Variants in CCDC171 observed in about 807,000 individuals in gnomAD.
The protein encoded by CCDC171 is coiled-coil domain-containing protein 171.
Under a neutral mutation model 168.2 loss-of-function variants are expected in CCDC171, and 177 were observed. The ratio of observed to expected loss-of-function variants is 1.05; its 90% CI spans 0.93 to 1.19. The LOEUF (loss-of-function observed/expected upper bound fraction) is 1.19, where lower values mean the gene tolerates loss of function less well. Among genes scored for constraint, CCDC171 ranks in the 50% most tolerant of loss-of-function variants. The pLI is 0.00. For synonymous variants in CCDC171, 687 were observed against 540.8 expected (o/e 1.27, Z -3.75); for missense variants, 1,991 against 1,539.0 (o/e 1.29, Z -4.91).
intron 19 of CCDC171, among the ~76,000 whole-genome samples, chr9:15,778,568 C>T (rs991674229): frequency 1.4e-4 from 19 of 134,624 alleles, no homozygotes; most frequent in Non-Finnish European, 1.1e-4. Context: ...ATCGCTTGAA[C>T]TCGGGAGGTG....
At chr9:15,963,960 G>A (rs749316992) in intron 25 of CCDC171, among the ~76,000 whole-genome samples, 10 of 152,148 alleles carry the variant, frequency 6.6e-5, no homozygotes, top group East Asian at 1.9e-4. Flanking sequence ...GTCTGTAAAC[G>A]GAAGCAGTGC....
intron 24 of CCDC171, among the ~76,000 whole-genome samples, chr9:15,876,275 G>A (rs1817834117): frequency 6.6e-6 from 1 of 152,070 alleles, no homozygotes; most frequent in African/African-American, 2.4e-5. Flanking sequence ...TTGTAGTTTA[G>A]TAGTATACAT....
At chr9:16,106,422 G>A in the CCDC171 span, among the ~76,000 whole-genome samples, 4 of 152,162 alleles carry the variant, frequency 2.6e-5, no homozygotes, top group African/African-American at 7.2e-5. Flanking sequence ...GCTCCAGAAT[G>A]TGAAGCCACC....
intron 7 of CCDC171, among the ~76,000 whole-genome samples, chr9:15,648,671 C>T (rs1412359720): frequency 2.0e-5 from 3 of 152,070 alleles, no homozygotes; most frequent in African/African-American, 7.2e-5. Flanking sequence ...GAATAAAATA[C>T]CTAGGAATAA....
At chr9:15,844,807 T>G (rs1038508843) in intron 21 of CCDC171, among the ~76,000 whole-genome samples, 1 of 152,086 alleles carries the variant, frequency 6.6e-6, no homozygotes, top group Non-Finnish European at 1.5e-5. Flanking sequence ...AAGTATATGA[T>G]AGGATTGTTG....
chr9:16,007,060 T>C (rs1052985849), intron 3 of CCDC171, among the ~76,000 whole-genome samples: 1 of 152,164 alleles, frequency 6.6e-6, no homozygotes, highest in African/African-American at 2.4e-5. Flanking sequence ...AGTGTAAAAG[T>C]GTTCCTATTT....
chr9:15,841,132 G>A (rs1183912557), intron 21 of CCDC171, among the ~76,000 whole-genome samples: 1 of 151,876 alleles, frequency 6.6e-6, no homozygotes, highest in Non-Finnish European at 1.5e-5. Flanking sequence ...TTGCTCATTT[G>A]CCCCATTTGT....
chr9:15,983,542 G>C lies in CCDC171; in HGVS notation n.369-37047G>C, dbSNP rs918761482. 7.5e-4 allele frequency among the ~76,000 whole-genome samples: 106 copies of C among 142,242 alleles called. 1 individual carries two copies. The highest frequency in any genetic ancestry group is 2.5e-3 in the African/African-American group (97 of 38,744). 93.3% of individuals were successfully genotyped at this position (142,242 alleles called of 152,430 possible). ...AGAGAGAATCTCTGAAGCATATGTG[G>C]AATATCTAGGCAAGTGGCTAGTAGG... On this transcript the variant is annotated intron_variant and non_coding_transcript_variant, in intron 3 of 9. Transcript: ENST00000486641.
intron 24 of CCDC171, among the ~76,000 whole-genome samples, chr9:15,902,708 C>T (rs748046914): frequency 6.6e-5 from 10 of 152,130 alleles, no homozygotes; most frequent in South Asian, 2.1e-4. Context: ...TGCAGCGCAC[C>T]GAGCATGAGC....
intron 23 of CCDC171, among the ~76,000 whole-genome samples, chr9:15,855,298 T>C (rs757720360): frequency 3.3e-5 from 5 of 151,834 alleles, no homozygotes; most frequent in Non-Finnish European, 7.4e-5. Flanking sequence ...TTTATCATTA[T>C]ATTATCTTTG....
At chr9:16,046,407 T>G (rs1376328829) in intron 1 of CCDC171, among the ~76,000 whole-genome samples, 2 of 152,138 alleles carry the variant, frequency 1.3e-5, no homozygotes, top group African/African-American at 4.8e-5. Context: ...CAGGGCAATC[T>G]CTTTTCTTCC....
intron 1 of CCDC171, among the ~76,000 whole-genome samples, chr9:16,050,970 A>G (rs1337011912): frequency 1.3e-5 from 2 of 152,190 alleles, no homozygotes; most frequent in African/African-American, 4.8e-5. Context: ...AATATGGTTC[A>G]TCTGCTCATA....
At chr9:15,698,520 CAAAA>C (rs35301658) in intron 11 of CCDC171, among the ~76,000 whole-genome samples, 7 of 106,952 alleles carry the variant, frequency 6.5e-5, no homozygotes, top group Non-Finnish European at 3.9e-5. Flanking sequence ...GACCCCGTCT[CAAAA>C]AAAAAAAAAA....
chr9:16,105,455 C>G, the CCDC171 span, among the ~76,000 whole-genome samples: 6 of 152,216 alleles, frequency 3.9e-5, no homozygotes, highest in East Asian at 1.9e-4. Flanking sequence ...GTCCAGCACC[C>G]CCCCCTTCTC....
chr9:15,904,248 A>T (rs562740992), intron 24 of CCDC171, among the ~76,000 whole-genome samples: 1 of 152,172 alleles, frequency 6.6e-6, no homozygotes, highest in Admixed American at 6.5e-5. Flanking sequence ...GTTGAAATGA[A>T]GGAAAAAATG....
intron 24 of CCDC171, among the ~76,000 whole-genome samples, chr9:15,881,800 A>G (rs553356202): frequency 6.6e-6 from 1 of 152,268 alleles, no homozygotes; most frequent in East Asian, 1.9e-4. Context: ...ATAAGATTTC[A>G]TTCCTAATTC....
chr9:15,755,395 A>G (rs747728462), intron 18 of CCDC171, among the ~76,000 whole-genome samples: 3 of 152,234 alleles, frequency 2.0e-5, no homozygotes, highest in Non-Finnish European at 4.4e-5. Context: ...GCATAGAGTT[A>G]TCATATGAGC....
At chr9:16,084,058 G>A in the CCDC171 span, among the ~76,000 whole-genome samples, 3 of 152,214 alleles carry the variant, frequency 2.0e-5, no homozygotes, top group African/African-American at 4.8e-5. Flanking sequence ...CCCATTGAGT[G>A]AATGCTGGAT....
intron 6 of CCDC171, among the ~76,000 whole-genome samples, chr9:15,616,237 C>G (rs931607990): frequency 3.3e-5 from 5 of 152,082 alleles, no homozygotes; most frequent in Non-Finnish European, 7.4e-5. Flanking sequence ...CAGGTGTGAG[C>G]CACCACGCCC....
Sources: allele counts gnomAD v4.1 joint callset (sites outside exome capture counted in the v4.1 genomes callset), GRCh38; gene constraint gnomAD v4.1.1; transcripts MANE v1.5; gene names NCBI Gene and HGNC (gene_info 2026-07-23, HGNC 2026-07-21).